Variants in LY75 observed in about 807,000 individuals in gnomAD.
The protein encoded by LY75 is lymphocyte antigen 75.
In LY75, 185 loss-of-function variants were observed where a neutral mutation model predicts 231.7. The observed-to-expected ratio is 0.80, with a 90% CI of 0.71 to 0.90. The LOEUF (loss-of-function observed/expected upper bound fraction) is 0.90, where lower values mean the gene tolerates loss of function less well. Among genes scored for constraint, LY75 ranks in the 40% least tolerant of loss-of-function variants. The pLI is 0.00. For synonymous variants in LY75, 668 were observed against 689.0 expected (o/e 0.97, Z 0.48); for missense variants, 1,947 against 2,050.2 (o/e 0.95, Z 0.97).
In LY75 at chr2:159,882,320, G is replaced by A. The variant is rs201087289; in HGVS notation, c.1055-5C>T. On this transcript the variant is annotated splice_polypyrimidine_tract_variant and splice_region_variant and intron_variant, in intron 6 of 34. Transcript: ENST00000263636. ...TATCTGAGTATGTCCAGACATCTGG[G>A]GGAAAAGCAGCTATTTATATTCCAG... is the stretch of plus-strand genomic sequence containing the variant. 1.7e-5 allele frequency: 27 copies of A among 1,611,574 alleles called. No homozygotes were observed. The African/African-American group carries it at 2.9e-4, about 18-fold the overall frequency.
At chr2:159,842,465 C>A (rs915716435) in intron 23 of LY75, 91 bp from the exon 24 acceptor site, 11 of 1,407,584 alleles carry the variant, frequency 7.8e-6, no homozygotes, top group Non-Finnish European at 9.4e-6. Context: ...TTGAATTTGT[C>A]CCCCTATAAA....
chr2:159,807,231 G>T, intron 33 of LY75, 91 bp from the exon 34 acceptor site: 1 of 1,374,546 alleles, frequency 7.3e-7, no homozygotes, highest in Non-Finnish European at 9.8e-7. Flanking sequence ...GAACTGTGCT[G>T]TCCAATATGA....
chr2:159,846,751 A>C (rs1208876138), intron 23 of LY75, among the ~76,000 whole-genome samples: 1 of 152,196 alleles, frequency 6.6e-6, no homozygotes, highest in Non-Finnish European at 1.5e-5. Flanking sequence ...TGCAATAAAC[A>C]CAAGAAATAC....
chr2:159,851,508 A>T lies in LY75; in HGVS notation c.2883+693T>A, dbSNP rs573989234. Among the ~76,000 whole-genome samples the T allele has an allele frequency of 9.8e-5, 15 of 152,344 alleles. 1 individual carries two copies. The highest frequency in any genetic ancestry group is 8.5e-4 in the Admixed American group (13 of 15,298). On this transcript the variant is annotated intron_variant, in intron 21 of 34. Coordinates refer to ENST00000263636, the MANE Select transcript of LY75 (RefSeq NM_002349.4). ...ATATTAAGGATGGCAGAGCAAAACC[A>T]AAAGAAGCCTGATTTTGAAGACTTC...
Position 159,862,335 on chromosome 2 carries a change from T to C in LY75, c.2200-1446A>G, listed in dbSNP as rs115199316. ...TTAGCCGGGCGTGATGGCATGCATC[T>C]GTGGTCTCAGCTACTGGGGAGGCTA... On this transcript the variant is annotated intron_variant, in intron 14 of 34. Coordinates refer to ENST00000263636, the MANE Select transcript of LY75 (RefSeq NM_002349.4). Among the ~76,000 whole-genome samples the C allele has an allele frequency of 6.5e-3, 984 of 150,966 alleles. 13 individuals are homozygous for C. Among genetic ancestry groups the C allele is most frequent in the African/African-American group, 0.023 (927 of 41,118 alleles).
intron 16 of LY75, among the ~76,000 whole-genome samples, chr2:159,856,604 A>C (rs1345040190): frequency 6.6e-6 from 1 of 152,204 alleles, no homozygotes; most frequent in African/African-American, 2.4e-5. Flanking sequence ...GGTGAACATA[A>C]CATTTAAACC....
chr2:159,845,218 CAT>C (rs1488413962), intron 23 of LY75, among the ~76,000 whole-genome samples: 2 of 152,238 alleles, frequency 1.3e-5, no homozygotes, highest in Non-Finnish European at 2.9e-5. Context: ...TTCTCCCAAA[CAT>C]GTAGTCAAAT....
intron 34 of LY75, among the ~76,000 whole-genome samples, chr2:159,805,993 T>C (rs1031731383): frequency 6.6e-6 from 1 of 152,206 alleles, no homozygotes; most frequent in Non-Finnish European, 1.5e-5. Context: ...TTAGGCTCTT[T>C]GCTCCAACTG....
intron 28 of LY75, among the ~76,000 whole-genome samples, chr2:159,827,225 AT>A (rs2125838266): frequency 6.6e-6 from 1 of 152,346 alleles, no homozygotes; most frequent in South Asian, 2.1e-4. Context: ...CAAAGGGCTA[AT>A]ATCCAGAATC....
At chr2:159,841,216 A>G (rs1201596088) in intron 24 of LY75, among the ~76,000 whole-genome samples, 1 of 152,224 alleles carries the variant, frequency 6.6e-6, no homozygotes, top group Non-Finnish European at 1.5e-5. Flanking sequence ...CTGCAAATAA[A>G]TGTAACCTGC....
intron 23 of LY75, among the ~76,000 whole-genome samples, chr2:159,847,234 G>C (rs192157103): frequency 6.6e-6 from 1 of 152,022 alleles, no homozygotes; most frequent in African/African-American, 2.4e-5. Context: ...GGCTGGTCTC[G>C]AACTCCTGAG....
chr2:159,836,540 C>T (rs1238736183), intron 25 of LY75, among the ~76,000 whole-genome samples: 2 of 152,176 alleles, frequency 1.3e-5, no homozygotes, highest in African/African-American at 4.8e-5. Context: ...CACTGGTGGG[C>T]CTGGTGCTGG....
chr2:159,810,023 C>G (rs375884570), intron 32 of LY75, among the ~76,000 whole-genome samples: 1 of 148,398 alleles, frequency 6.7e-6, no homozygotes, highest in African/African-American at 2.5e-5. Flanking sequence ...TTTCCATGTA[C>G]TTATTATTAA....
chr2:159,886,274 T>A (rs901702946), intron 5 of LY75, 146 bp downstream of exon 5: 2 of 823,410 alleles, frequency 2.4e-6, no homozygotes, highest in Non-Finnish European at 3.4e-6. Context: ...CAATTAAGAA[T>A]GGTTTAGGAA....
chr2:159,874,511 A>AAG (rs1353948782), intron 12 of LY75, among the ~76,000 whole-genome samples: 1,501 of 89,372 alleles, frequency 0.017, 256 homozygotes, highest in Middle Eastern at 0.062. Flanking sequence ...AATCTATATA[A>AAG]ATATGTACAT....
intron 12 of LY75, among the ~76,000 whole-genome samples, chr2:159,873,474 C>T (rs1001346987): frequency 1.3e-5 from 2 of 152,150 alleles, no homozygotes; most frequent in East Asian, 1.9e-4. Flanking sequence ...AGCTGTTGCC[C>T]TTTTAGCCTG....
intron 31 of LY75, 139 bp downstream of exon 31, chr2:159,815,266 G>T (rs1683089764): frequency 9.3e-7 from 1 of 1,074,316 alleles, no homozygotes; most frequent in Admixed American, 3.3e-5. Flanking sequence ...CTCCCAAAGT[G>T]CTGGGATTAC....
chr2:159,872,666 T>C (rs1685051585), intron 12 of LY75, 73 bp from the exon 13 acceptor site: 2 of 1,523,930 alleles, frequency 1.3e-6, no homozygotes, highest in Non-Finnish European at 1.8e-6. Flanking sequence ...AGTCAATTAC[T>C]GTCACATGTG....
At chr2:159,840,643 T>C in intron 25 of LY75, 86 bp downstream of exon 25, 1 of 1,558,476 alleles carries the variant, frequency 6.4e-7, no homozygotes, top group South Asian at 1.2e-5. Context: ...CTTCTGTTTG[T>C]TTTAGTCTGC....
Sources: allele counts gnomAD v4.1 joint callset (sites outside exome capture counted in the v4.1 genomes callset), GRCh38; gene constraint gnomAD v4.1.1; transcripts MANE v1.5; gene names NCBI Gene and HGNC (gene_info 2026-07-23, HGNC 2026-07-21).